SKIC8: variants seen among roughly 807,000 people sequenced by gnomAD.
The protein encoded by SKIC8 is superkiller complex protein 8.
chr15:78,295,574 G>T, the SKIC8 span: 4 of 1,540,248 alleles, frequency 2.6e-6, no homozygotes, highest in African/African-American at 1.4e-5. Context: ...AGCCAGGCAA[G>T]AATGAGATGC....
the SKIC8 span, chr15:78,285,104 A>G: frequency 2.4e-5 from 16 of 662,144 alleles, 1 homozygote; most frequent in South Asian, 3.0e-4. Flanking sequence ...TCTGCACAGG[A>G]ACTCTGGCTA....
the SKIC8 span, chr15:78,285,479 A>G: frequency 2.9e-6 from 2 of 686,672 alleles, no homozygotes; most frequent in Non-Finnish European, 5.1e-6. Flanking sequence ...TATCAGCATC[A>G]TTGGGTGGCT....
chr15:78,295,298 T>C, the SKIC8 span: 1 of 555,116 alleles, frequency 1.8e-6, no homozygotes, highest in Non-Finnish European at 3.2e-6. Flanking sequence ...AGCTTAAATT[T>C]TGCAGCTGCA....
chr15:78,294,610 G>C, the SKIC8 span: 1 of 288,410 alleles, frequency 3.5e-6, no homozygotes, highest in South Asian at 5.2e-5. Context: ...CAGATGAGCC[G>C]GCATTAACAG....
the SKIC8 span, among the ~76,000 whole-genome samples, chr15:78,297,781 T>A: frequency 6.6e-6 from 1 of 152,294 alleles, no homozygotes; most frequent in Middle Eastern, 3.4e-3. Flanking sequence ...GACCACACAG[T>A]TAAGGCATCC....
the SKIC8 span, chr15:78,295,420 T>TTTC: frequency 6.4e-6 from 3 of 470,316 alleles, no homozygotes; most frequent in Non-Finnish European, 7.3e-6. Flanking sequence ...TTTTTTTTTG[T>TTTC]ACAACATCTT....
At chr15:78,288,440 C>T in the SKIC8 span, 3 of 1,529,310 alleles carry the variant, frequency 2.0e-6, no homozygotes, top group South Asian at 2.3e-5. Context: ...CACTCAGCTT[C>T]CCACTGACAA....
chr15:78,292,360 T>C, the SKIC8 span: 17 of 367,060 alleles, frequency 4.6e-5, no homozygotes, highest in Non-Finnish European at 7.0e-5. Flanking sequence ...CTAACCTGAA[T>C]TGACATAAGG....
At chr15:78,296,006 G>T in the SKIC8 span, 1 of 308,144 alleles carries the variant, frequency 3.2e-6, no homozygotes, top group Non-Finnish European at 5.9e-6. Context: ...GTCCTTTCCT[G>T]CTCTTTAGAG....
At chr15:78,284,942 C>T in the SKIC8 span, 1 of 300,206 alleles carries the variant, frequency 3.3e-6, no homozygotes, top group Admixed American at 4.6e-5. Context: ...GGCGCAGCAG[C>T]CCCCAGGAGA....
the SKIC8 span, chr15:78,295,780 C>A: frequency 7.1e-7 from 1 of 1,417,312 alleles, no homozygotes. Flanking sequence ...ATAGAAGGCA[C>A]ACAGGAAGTT....
chr15:78,290,920 G>A, the SKIC8 span: 1 of 151,902 alleles, frequency 6.6e-6, no homozygotes. Context: ...TGAGTAGCTG[G>A]GACTACAGGT....
the SKIC8 span, among the ~76,000 whole-genome samples, chr15:78,288,671 A>G: frequency 6.6e-6 from 1 of 152,224 alleles, no homozygotes; most frequent in African/African-American, 2.4e-5. Flanking sequence ...ACAAGGATAT[A>G]TACATTGCTC....
At chr15:78,295,580 G>C in the SKIC8 span, 1 of 1,550,074 alleles carries the variant, frequency 6.5e-7, no homozygotes, top group South Asian at 1.1e-5. Flanking sequence ...GCAAGAATGA[G>C]ATGCTAGTTT....
the SKIC8 span, chr15:78,291,070 G>A: frequency 6.6e-6 from 1 of 152,148 alleles, no homozygotes; most frequent in Non-Finnish European, 1.5e-5. Context: ...TTACAGGTGT[G>A]AGCCACCACA....
the SKIC8 span, chr15:78,295,010 A>T: frequency 6.2e-7 from 1 of 1,613,796 alleles, no homozygotes; most frequent in South Asian, 1.1e-5. Context: ...ACCCATGGTC[A>T]GATTTCAGAT....
the SKIC8 span, chr15:78,293,367 T>C: frequency 8.2e-7 from 1 of 1,214,442 alleles, no homozygotes; most frequent in Non-Finnish European, 1.2e-6. Context: ...CATTTATTTG[T>C]ATTTGCTTTA....
At chr15:78,295,203 T>G in the SKIC8 span, 1 of 577,462 alleles carries the variant, frequency 1.7e-6, no homozygotes. Flanking sequence ...TCCTTCCTAC[T>G]ACCCAAACTC....
chr15:78,293,348 G>A, the SKIC8 span: 1 of 1,313,578 alleles, frequency 7.6e-7, no homozygotes, highest in Non-Finnish European at 1.1e-6. Context: ...TTCAACAATT[G>A]TGAGGTAACA....
Sources: gnomAD v4.1 joint callset for allele counts (sites outside exome capture counted in the v4.1 genomes callset) on GRCh38, gnomAD v4.1.1 for gene constraint, MANE v1.5 for transcripts, NCBI Gene and HGNC (gene_info 2026-07-23, HGNC 2026-07-21) for gene names.